CNTNAP2: variants seen among roughly 807,000 people sequenced by gnomAD.
CNTNAP2 encodes contactin-associated protein-like 2.
A neutral mutation model predicts 155.2 loss-of-function variants in CNTNAP2; 98 were observed. The observed-to-expected ratio is 0.63, with a 90% CI of 0.54 to 0.75. The LOEUF (loss-of-function observed/expected upper bound fraction) is 0.75, where lower values mean the gene tolerates loss of function less well. CNTNAP2 is among the 30% of genes least tolerant of loss of function. The pLI, the probability that CNTNAP2 is intolerant of heterozygous loss-of-function variation, is 0.00. For missense variants in CNTNAP2, 1,727 were observed against 1,688.1 expected, an observed-to-expected ratio of 1.02 and a Z score of -0.40; for synonymous variants, 651 against 631.2, an observed-to-expected ratio of 1.03 and a Z score of -0.47.
intron 1 of CNTNAP2, among the ~76,000 whole-genome samples, chr7:146,762,653 T>A (rs1258519528): frequency 6.6e-6 from 1 of 152,116 alleles, no homozygotes; most frequent in African/African-American, 2.4e-5. Context: ...GTTCTCACAC[T>A]GCTAACAGAG....
intron 1 of CNTNAP2, among the ~76,000 whole-genome samples, chr7:146,195,611 G>A (rs1226024097): frequency 6.6e-6 from 1 of 152,126 alleles, no homozygotes; most frequent in Non-Finnish European, 1.5e-5. Context: ...ATCCTCAGAT[G>A]GCTTTAAAAT....
rs1473264580 is a variant in CNTNAP2, at chr7:148,226,909, T to C, written c.3248-2737T>C. 2.6e-5 allele frequency among the ~76,000 whole-genome samples: 4 copies of C among 152,340 alleles called. No individual in the cohort carries two copies. The South Asian group carries it at 6.2e-4, about 24-fold the overall frequency. ...TTTTAATAAACTTTCACTCCTGCTCTACTAAAACTTGCCGCAGTCTCTCCC... is the reference window on the plus strand; with the variant it reads ...TTTTAATAAACTTTCACTCCTGCTCCACTAAAACTTGCCGCAGTCTCTCCC... On this transcript the variant is annotated intron_variant, in intron 19 of 23. Transcript: ENST00000361727.
chr7:147,207,647 A>G (rs1028934387), intron 8 of CNTNAP2, among the ~76,000 whole-genome samples: 3 of 152,158 alleles, frequency 2.0e-5, no homozygotes, highest in Non-Finnish European at 4.4e-5. Flanking sequence ...ATACCTGGAA[A>G]ACAAAGTTCT....
intron 18 of CNTNAP2, among the ~76,000 whole-genome samples, chr7:148,202,243 G>A (rs1053617007): frequency 2.0e-5 from 3 of 152,156 alleles, no homozygotes; most frequent in African/African-American, 7.2e-5. Context: ...AGCAAATCAG[G>A]CTTGGCACGC....
intron 1 of CNTNAP2, among the ~76,000 whole-genome samples, chr7:146,295,983 A>C (rs1800509032): frequency 6.6e-6 from 1 of 152,096 alleles, no homozygotes; most frequent in African/African-American, 2.4e-5. Context: ...TTCTGGACAG[A>C]AACATAGTTA....
chr7:147,913,687 T>G (rs377206392), intron 14 of CNTNAP2, among the ~76,000 whole-genome samples: 16 of 152,158 alleles, frequency 1.1e-4, no homozygotes, highest in African/African-American at 3.9e-4. Flanking sequence ...GGCTATAGAG[T>G]CAGACCATCT....
At chr7:147,634,844 G>T (rs2116916170) in intron 12 of CNTNAP2, among the ~76,000 whole-genome samples, 1 of 152,216 alleles carries the variant, frequency 6.6e-6, no homozygotes, top group South Asian at 2.1e-4. Flanking sequence ...CTCTTACTAT[G>T]ACACAGCAGA....
chr7:148,080,380 C>A (rs979782478), intron 15 of CNTNAP2, among the ~76,000 whole-genome samples: 1 of 151,826 alleles, frequency 6.6e-6, no homozygotes, highest in Non-Finnish European at 1.5e-5. Flanking sequence ...CTGAGGCAGG[C>A]GGATCACGAG....
At chr7:146,668,801 A>G (rs1261991788) in intron 1 of CNTNAP2, among the ~76,000 whole-genome samples, 1 of 151,994 alleles carries the variant, frequency 6.6e-6, no homozygotes, top group Admixed American at 6.6e-5. Context: ...ATAGTTGTTC[A>G]TAGTAGTCTC....
chr7:148,419,466 G>T lies in CNTNAP2; in HGVS notation c.*3850G>T, dbSNP rs960652473. ...TTGTTTTGAGACGGAGTCTTGCTCT[G>T]TCCCCCAGGCTGGAGTGCACTGGCG... On this transcript the variant is annotated 3_prime_UTR_variant, in exon 24 of 24. Coordinates refer to ENST00000361727, the MANE Select transcript of CNTNAP2 (RefSeq NM_014141.6). 4.6e-5 allele frequency: 7 copies of T among 152,014 alleles called. No homozygotes were observed. The highest frequency in any genetic ancestry group is 1.7e-4 in the African/African-American group (7 of 41,290). The allele number at this position is 152,014 out of a possible 1,614,324, so 9.4% of individuals were successfully genotyped here. A position where few individuals can be genotyped will look rare whatever the true frequency, so the allele number is the denominator to read the frequency against.
At chr7:146,148,112 C>G (rs547208216) in intron 1 of CNTNAP2, among the ~76,000 whole-genome samples, 5 of 152,188 alleles carry the variant, frequency 3.3e-5, no homozygotes, top group Middle Eastern at 3.4e-3. Context: ...TTCTATAGTG[C>G]TCACCTTGAT....
intron 9 of CNTNAP2, among the ~76,000 whole-genome samples, chr7:147,318,672 G>C (rs549644795): frequency 3.9e-4 from 60 of 152,014 alleles, no homozygotes; most frequent in African/African-American, 1.4e-3. Context: ...CGGGAGGTGG[G>C]GGGCAAGGGG....
intron 15 of CNTNAP2, 108 bp from the exon 16 acceptor site, chr7:148,118,010 A>C: frequency 8.2e-7 from 1 of 1,216,792 alleles, no homozygotes; most frequent in Non-Finnish European, 1.2e-6. Context: ...GAGAGAAAAT[A>C]ATGACTATTG....
intron 1 of CNTNAP2, among the ~76,000 whole-genome samples, chr7:146,487,786 C>T (rs1337283683): frequency 6.6e-6 from 1 of 152,088 alleles, no homozygotes; most frequent in African/African-American, 2.4e-5. Flanking sequence ...CTTAAAGAAG[C>T]GCAGTGAGAC....
intron 21 of CNTNAP2, among the ~76,000 whole-genome samples, chr7:148,302,568 G>C (rs906818051): frequency 6.6e-6 from 1 of 152,112 alleles, no homozygotes; most frequent in Admixed American, 6.6e-5. Context: ...ATGTGTCAAG[G>C]GGGGACCTGG....
Position 146,404,132 on chromosome 7 carries a change from A to AAAAAAC in CNTNAP2, c.97+287164_97+287165insCAAAAA, listed in dbSNP as rs1344168013. 1.2e-3 allele frequency among the ~76,000 whole-genome samples: 179 copies of AAAAAAC among 150,324 alleles called. 11 individuals carry two copies. Among genetic ancestry groups the AAAAAAC allele is most frequent in the African/African-American group, 4.2e-3 (171 of 40,378 alleles). ...AGAGCGAGACTCCGTCTCAAAAAAA[A>AAAAAAC]AAAAAAAAAACAAAGAACTTGGCCT... On this transcript the variant is annotated intron_variant, in intron 1 of 23. Transcript: ENST00000361727.
In CNTNAP2 at chr7:146,740,622, C is replaced by T. The variant is rs191020647; in HGVS notation, c.98-33649C>T. On this transcript the variant is annotated intron_variant, in intron 1 of 23. Coordinates refer to ENST00000361727, the MANE Select transcript of CNTNAP2 (RefSeq NM_014141.6). Reference sequence around the variant, plus strand: ...CCTTGTGGCAGGCATAGTTCTGGGGCGCATCAGACTCCTGAGCCAGTGTTG... The same window carrying T: ...CCTTGTGGCAGGCATAGTTCTGGGGTGCATCAGACTCCTGAGCCAGTGTTG... Among the ~76,000 whole-genome samples, 494 of 152,254 alleles carry T rather than the reference C, an allele frequency of 3.2e-3. 1 individual carries two copies. Among genetic ancestry groups the T allele is most frequent in the Non-Finnish European group, 5.1e-3 (348 of 68,028 alleles).
At chr7:147,191,262 A>G (rs1225977019) in intron 8 of CNTNAP2, among the ~76,000 whole-genome samples, 1 of 152,188 alleles carries the variant, frequency 6.6e-6, no homozygotes, top group Non-Finnish European at 1.5e-5. Flanking sequence ...CGAATATAGT[A>G]TATTTTCACA....
intron 3 of CNTNAP2, among the ~76,000 whole-genome samples, chr7:146,937,395 G>A (rs943522100): frequency 5.6e-4 from 78 of 140,042 alleles, no homozygotes; most frequent in African/African-American, 1.9e-3. Flanking sequence ...AAATAAAAGC[G>A]AAAACCGACT....
Sources: allele counts gnomAD v4.1 joint callset (sites outside exome capture counted in the v4.1 genomes callset), GRCh38; gene constraint gnomAD v4.1.1; transcripts MANE v1.5; gene names NCBI Gene and HGNC (gene_info 2026-07-23, HGNC 2026-07-21).